Variants in MALRD1 observed in about 807,000 individuals in gnomAD.
MALRD1 encodes MAM and LDL receptor class A domain containing 1.
A neutral mutation model predicts 242.1 loss-of-function variants in MALRD1; 247 were observed. The ratio of observed to expected loss-of-function variants is 1.02; its 90% CI spans 0.92 to 1.13. MALRD1 has a LOEUF of 1.13. Among genes scored for constraint, MALRD1 ranks in the 50% most tolerant of loss-of-function variants. The probability of loss-of-function intolerance (pLI) is 0.00; values close to 1 mark genes in which losing one functional copy is unlikely to be tolerated. For missense variants in MALRD1, 2,989 were observed against 2,533.1 expected, an observed-to-expected ratio of 1.18 and a Z score of -3.86; for synonymous variants, 995 against 866.6, an observed-to-expected ratio of 1.15 and a Z score of -2.60.
chr10:19,224,369 C>A (rs1837694603), intron 18 of MALRD1, among the ~76,000 whole-genome samples: 1 of 151,880 alleles, frequency 6.6e-6, no homozygotes, highest in Non-Finnish European at 1.5e-5. Flanking sequence ...TCACTGCAAC[C>A]TCCACCTAAT....
rs544919880 is a variant in MALRD1, at chr10:19,220,873, C to T, written c.2991+11193C>T. Among the ~76,000 whole-genome samples, 4 of 152,270 alleles carry T rather than the reference C, an allele frequency of 2.6e-5. No individual in the cohort carries two copies. The South Asian group carries it at 8.3e-4, about 32-fold the overall frequency. On this transcript the variant is annotated intron_variant, in intron 18 of 39. Transcript: ENST00000454679. ...TTTGGCACCCAGGAAACAGGTCTTA[C>T]AATCTTCAACCCACTTTCTCCTAAC... is the stretch of plus-strand genomic sequence containing the variant.
intron 33 of MALRD1, among the ~76,000 whole-genome samples, chr10:19,570,173 A>G (rs556100221): frequency 6.6e-6 from 1 of 152,118 alleles, no homozygotes; most frequent in East Asian, 1.9e-4. Context: ...TACCTCTCCC[A>G]AGCCCCATTC....
At position 19,142,286 on chromosome 10, in the gene MALRD1, A is replaced by G. The variant is rs149877244; in HGVS notation, c.1412-3912A>G. ...AATGATCTGTGTGGGTTTCCAATAC[A>G]TATTAACAAAATATTTATAATGTAA... On this transcript the variant is annotated intron_variant, in intron 10 of 39. Transcript: ENST00000454679. Among the ~76,000 whole-genome samples, 213 of 152,150 alleles carry G rather than the reference A, an allele frequency of 1.4e-3. 1 individual carries two copies. The highest frequency in any genetic ancestry group is 0.014 in the Middle Eastern group (4 of 294).
At chr10:19,193,445 A>C (rs956571504) in intron 14 of MALRD1, among the ~76,000 whole-genome samples, 1 of 152,128 alleles carries the variant, frequency 6.6e-6, no homozygotes, top group Non-Finnish European at 1.5e-5. Flanking sequence ...AGTCCCAGCT[A>C]CTCAGAGGCT....
chr10:19,654,238 A>C (rs896789555), intron 36 of MALRD1, among the ~76,000 whole-genome samples: 2 of 152,116 alleles, frequency 1.3e-5, no homozygotes, highest in Non-Finnish European at 2.9e-5. Flanking sequence ...GATGGATAAA[A>C]GACTAAGCCA....
intron 18 of MALRD1, among the ~76,000 whole-genome samples, chr10:19,231,061 G>A (rs1282225091): frequency 6.6e-6 from 1 of 152,148 alleles, no homozygotes; most frequent in Admixed American, 6.5e-5. Flanking sequence ...CCTCTCAGCT[G>A]ATTCTCTCTA....
At chr10:19,171,304 C>A (rs1363268966) in intron 13 of MALRD1, among the ~76,000 whole-genome samples, 1 of 151,146 alleles carries the variant, frequency 6.6e-6, no homozygotes, top group Admixed American at 6.6e-5. Flanking sequence ...ATGAGGTTTT[C>A]ACTCTTCCTC....
intron 39 of MALRD1, 113 bp downstream of exon 39, chr10:19,730,894 A>G: frequency 1.0e-6 from 1 of 992,634 alleles, no homozygotes; most frequent in Non-Finnish European, 1.5e-6. Flanking sequence ...ATCATAACTA[A>G]AAGAAATGTT....
intron 36 of MALRD1, among the ~76,000 whole-genome samples, chr10:19,670,089 CACAA>C (rs1254474644): frequency 1.3e-5 from 2 of 149,802 alleles, no homozygotes; most frequent in African/African-American, 5.0e-5. Flanking sequence ...CACACACACA[CACAA>C]ACACACACAC....
intron 26 of MALRD1, among the ~76,000 whole-genome samples, chr10:19,368,923 A>G (rs1845238431): frequency 1.4e-5 from 2 of 143,376 alleles, no homozygotes; most frequent in East Asian, 2.0e-4. Context: ...GTGTGTGTGT[A>G]TGTAATTTAA....
intron 27 of MALRD1, among the ~76,000 whole-genome samples, chr10:19,388,182 C>G (rs1434976955): frequency 1.3e-5 from 2 of 152,118 alleles, no homozygotes; most frequent in African/African-American, 4.8e-5. Context: ...CCCATATTCC[C>G]TGTTTCATTA....
intron 31 of MALRD1, 96 bp downstream of exon 31, chr10:19,498,742 A>C (rs1484214402): frequency 7.3e-7 from 1 of 1,371,500 alleles, no homozygotes; most frequent in East Asian, 2.5e-5. Context: ...TCTTATGTGT[A>C]TGTGGGGACA....
intron 29 of MALRD1, among the ~76,000 whole-genome samples, chr10:19,451,962 A>G (rs1835352095): frequency 6.6e-6 from 1 of 152,160 alleles, no homozygotes; most frequent in Non-Finnish European, 1.5e-5. Flanking sequence ...GAGTGTCTTA[A>G]TGAAAGAAGA....
intron 36 of MALRD1, among the ~76,000 whole-genome samples, chr10:19,662,234 A>G (rs1564524309): frequency 6.6e-6 from 1 of 152,184 alleles, no homozygotes; most frequent in South Asian, 2.1e-4. Flanking sequence ...TTGAATACAC[A>G]TAAATTAACT....
intron 18 of MALRD1, among the ~76,000 whole-genome samples, chr10:19,219,712 C>T (rs1285938006): frequency 6.6e-6 from 1 of 152,196 alleles, no homozygotes; most frequent in Admixed American, 6.5e-5. Flanking sequence ...GCATGAGCCA[C>T]CATACTCAGC....
intron 32 of MALRD1, among the ~76,000 whole-genome samples, chr10:19,556,042 TAAG>T (rs2131421259): frequency 1.3e-5 from 2 of 152,250 alleles, no homozygotes; most frequent in South Asian, 4.1e-4. Context: ...CCAAAGGAAA[TAAG>T]GAAAATTCTC....
At chr10:19,313,684 CTT>C (rs1842523012) in intron 21 of MALRD1, among the ~76,000 whole-genome samples, 1 of 151,536 alleles carries the variant, frequency 6.6e-6, no homozygotes, top group Admixed American at 6.6e-5. Context: ...TACTGAGACT[CTT>C]AGAGTCCTAT....
intron 10 of MALRD1, among the ~76,000 whole-genome samples, chr10:19,145,170 C>T (rs1377339427): frequency 1.3e-5 from 2 of 152,202 alleles, no homozygotes; most frequent in African/African-American, 2.4e-5. Context: ...AGCTCTTAGA[C>T]TTTCTAGTTG....
chr10:19,392,663 A>G (rs751856219), intron 28 of MALRD1, among the ~76,000 whole-genome samples: 1 of 152,148 alleles, frequency 6.6e-6, no homozygotes, highest in Non-Finnish European at 1.5e-5. Context: ...AACAAATGTA[A>G]GTTTTGTGTC....
Sources: allele counts gnomAD v4.1 joint callset (sites outside exome capture counted in the v4.1 genomes callset), GRCh38; gene constraint gnomAD v4.1.1; transcripts MANE v1.5; gene names NCBI Gene and HGNC (gene_info 2026-07-23, HGNC 2026-07-21).